LDLRAD3: variants seen among roughly 807,000 people sequenced by gnomAD.
LDLRAD3 encodes low density lipoprotein receptor class A domain containing 3, also known as low-density lipoprotein receptor class A domain-containing protein 3.
In LDLRAD3, 20 loss-of-function variants were observed where a neutral mutation model predicts 29.4. The ratio of observed to expected loss-of-function variants is 0.68; its 90% CI spans 0.48 to 0.99. LDLRAD3 has a LOEUF of 0.99. Ranked by LOEUF, LDLRAD3 falls within the 50% of genes least tolerant of loss-of-function variation. The pLI is 0.00. For missense variants in LDLRAD3, 420 were observed against 454.3 expected (o/e 0.92, Z 0.69); for synonymous variants, 157 against 192.7 (o/e 0.81, Z 1.53).
At chr11:36,186,232 T>C (rs1854846187) in intron 4 of LDLRAD3, among the ~76,000 whole-genome samples, 1 of 152,222 alleles carries the variant, frequency 6.6e-6, no homozygotes, top group South Asian at 2.1e-4. Context: ...GGTACCTATC[T>C]CATGGTGGTG....
intron 4 of LDLRAD3, among the ~76,000 whole-genome samples, chr11:36,125,391 A>G (rs549488680): frequency 1.4e-4 from 21 of 152,200 alleles, no homozygotes; most frequent in African/African-American, 4.8e-4. Flanking sequence ...AAATAGGAAT[A>G]ATGATATTGT....
chr11:36,135,676 G>A (rs1012771675), intron 4 of LDLRAD3, among the ~76,000 whole-genome samples: 11 of 152,306 alleles, frequency 7.2e-5, no homozygotes, highest in Admixed American at 1.3e-4. Flanking sequence ...TTGGGAAGCC[G>A]AGGCGGGCGG....
intron 4 of LDLRAD3, among the ~76,000 whole-genome samples, chr11:36,145,100 G>A (rs1483845982): frequency 4.7e-5 from 5 of 105,854 alleles, no homozygotes; most frequent in Admixed American, 8.1e-5. Context: ...CCGTCCGGGA[G>A]GGAGGTTGGG....
At chr11:35,985,300 GTC>G (rs1315589002) in intron 1 of LDLRAD3, among the ~76,000 whole-genome samples, 24 of 152,178 alleles carry the variant, frequency 1.6e-4, no homozygotes, top group African/African-American at 5.3e-4. Context: ...CCTATTGCAT[GTC>G]TCTCTTGGAG....
intron 2 of LDLRAD3, among the ~76,000 whole-genome samples, chr11:36,057,322 C>A (rs538326223): frequency 6.6e-6 from 1 of 151,260 alleles, no homozygotes; most frequent in African/African-American, 2.4e-5. Flanking sequence ...CCTGTTTCGC[C>A]GGGGGAGCCT....
At chr11:36,097,127 C>CT (rs1418580185) in intron 3 of LDLRAD3, among the ~76,000 whole-genome samples, 7 of 152,196 alleles carry the variant, frequency 4.6e-5, no homozygotes, top group African/African-American at 1.7e-4. Flanking sequence ...TCTGTCATTT[C>CT]TTTTGAGGTC....
chr11:35,961,878 A>T (rs1851282121), intron 1 of LDLRAD3, among the ~76,000 whole-genome samples: 3 of 152,150 alleles, frequency 2.0e-5, no homozygotes, highest in African/African-American at 7.2e-5. Flanking sequence ...TCAAGCATTT[A>T]TCCTTTGTGT....
intron 4 of LDLRAD3, among the ~76,000 whole-genome samples, chr11:36,160,366 C>G (rs114673019): frequency 1.1e-4 from 17 of 152,176 alleles, no homozygotes; most frequent in African/African-American, 3.9e-4. Context: ...AGATAAGGCC[C>G]GTGGGAGTGA....
intron 1 of LDLRAD3, among the ~76,000 whole-genome samples, chr11:36,020,100 G>A (rs931561511): frequency 2.6e-5 from 4 of 152,096 alleles, no homozygotes; most frequent in African/African-American, 9.7e-5. Flanking sequence ...CTGGAGGCAA[G>A]CTTTTACCTG....
intron 4 of LDLRAD3, among the ~76,000 whole-genome samples, chr11:36,154,635 T>C (rs1854322415): frequency 6.6e-6 from 1 of 152,244 alleles, no homozygotes; most frequent in African/African-American, 2.4e-5. Flanking sequence ...ATACTGCCTG[T>C]AGCCTCCCAT....
intron 4 of LDLRAD3, among the ~76,000 whole-genome samples, chr11:36,205,607 G>A (rs2133377592): frequency 6.6e-6 from 1 of 152,348 alleles, no homozygotes; most frequent in East Asian, 1.9e-4. Context: ...TTTAAGAGCT[G>A]TTGTCTGCCA....
chr11:36,156,212 G>A (rs919441809), intron 4 of LDLRAD3, among the ~76,000 whole-genome samples: 3 of 152,182 alleles, frequency 2.0e-5, no homozygotes, highest in Non-Finnish European at 4.4e-5. Context: ...AAAAAAGACC[G>A]CCAGTAGTTG....
At chr11:36,005,169 G>T (rs1851869048) in intron 1 of LDLRAD3, among the ~76,000 whole-genome samples, 1 of 152,132 alleles carries the variant, frequency 6.6e-6, no homozygotes, top group Non-Finnish European at 1.5e-5. Flanking sequence ...CACATGGCCG[G>T]GCTGCACATT....
At chr11:35,970,887 A>G (rs1432169809) in intron 1 of LDLRAD3, among the ~76,000 whole-genome samples, 1 of 152,188 alleles carries the variant, frequency 6.6e-6, no homozygotes, top group African/African-American at 2.4e-5. Flanking sequence ...TGGCCAGAAG[A>G]TTCCTTGATT....
intron 4 of LDLRAD3, among the ~76,000 whole-genome samples, chr11:36,218,404 C>T (rs1472802210): frequency 6.6e-6 from 1 of 152,118 alleles, no homozygotes; most frequent in African/African-American, 2.4e-5. Context: ...AAGAATTCTA[C>T]AAGAATTACA....
At chr11:36,125,537 A>G (rs1853823771) in intron 4 of LDLRAD3, among the ~76,000 whole-genome samples, 2 of 152,232 alleles carry the variant, frequency 1.3e-5, no homozygotes, top group African/African-American at 4.8e-5. Context: ...TGTTGAATGG[A>G]TGAATGAATT....
intron 4 of LDLRAD3, among the ~76,000 whole-genome samples, chr11:36,219,443 A>G (rs765447953): frequency 6.6e-5 from 10 of 152,262 alleles, no homozygotes; most frequent in African/African-American, 2.4e-4. Flanking sequence ...CCTTATTGGC[A>G]TAAAGATAGT....
intron 1 of LDLRAD3, among the ~76,000 whole-genome samples, chr11:35,958,566 T>A (rs1851235807): frequency 6.6e-6 from 1 of 152,154 alleles, no homozygotes; most frequent in African/African-American, 2.4e-5. Flanking sequence ...TTGAGGGCCC[T>A]CCTTTTCCTG....
intron 4 of LDLRAD3, among the ~76,000 whole-genome samples, chr11:36,146,599 G>A (rs536339589): frequency 8.5e-5 from 13 of 152,138 alleles, no homozygotes; most frequent in African/African-American, 2.7e-4. Flanking sequence ...TTCCTTCTGC[G>A]GACCCTGAGG....
Sources: gnomAD v4.1 joint callset for allele counts (sites outside exome capture counted in the v4.1 genomes callset) on GRCh38, gnomAD v4.1.1 for gene constraint, MANE v1.5 for transcripts, NCBI Gene and HGNC (gene_info 2026-07-23, HGNC 2026-07-21) for gene names.